Variants in MYT1L observed in about 807,000 individuals in gnomAD.
MYT1L encodes myelin transcription factor 1-like protein.
In MYT1L, 12 loss-of-function variants were observed where a neutral mutation model predicts 126.7. That is an observed-to-expected ratio of 0.09 (90% CI 0.06 to 0.15). MYT1L has a LOEUF of 0.15. Ranked by LOEUF, MYT1L falls within the 10% of genes least tolerant of loss-of-function variation. The pLI, the probability that MYT1L is intolerant of heterozygous loss-of-function variation, is 1.00. For synonymous variants in MYT1L, 541 were observed against 604.2 expected (o/e 0.90, Z 1.53); for missense variants, 979 against 1,585.2 (o/e 0.62, Z 6.49).
intron 3 of MYT1L, among the ~76,000 whole-genome samples, chr2:2,155,740 A>G (rs565011570): frequency 6.6e-6 from 1 of 152,320 alleles, no homozygotes; most frequent in Admixed American, 6.5e-5. Context: ...GGGATGCTGG[A>G]CGTCCTCATG....
At chr2:2,263,746 G>A (rs889058338) in intron 2 of MYT1L, among the ~76,000 whole-genome samples, 11 of 152,068 alleles carry the variant, frequency 7.2e-5, no homozygotes, top group African/African-American at 2.7e-4. Flanking sequence ...ATCCTCAGAC[G>A]CTCCTGGCAT....
chr2:1,792,515 G>A lies in MYT1L; in HGVS notation c.3277-51C>T, dbSNP rs1263178982. On this transcript the variant is annotated intron_variant, in intron 23 of 24. Transcript: ENST00000647738. ...TGTAACACCAGGAGGACCTAGGAGC[G>A]CGTGGTCGTTGCCGGGGGCCACAGT... 27 of 1,571,482 alleles carry A rather than the reference G, an allele frequency of 1.7e-5. No individual in the cohort carries two copies. In the East Asian group the frequency reaches 3.0e-4, roughly 17 times the overall value.
intron 2 of MYT1L, among the ~76,000 whole-genome samples, chr2:2,197,985 A>C (rs926061942): frequency 3.1e-5 from 4 of 130,174 alleles, no homozygotes; most frequent in African/African-American, 7.9e-5. Flanking sequence ...AATAACATAC[A>C]TATATATACA....
At chr2:1,907,897 GC>G (rs2051309385) in intron 13 of MYT1L, among the ~76,000 whole-genome samples, 1 of 152,266 alleles carries the variant, frequency 6.6e-6, no homozygotes, top group Non-Finnish European at 1.5e-5. Context: ...GAGGCGGAAA[GC>G]CCGCAGGAGT....
intron 8 of MYT1L, among the ~76,000 whole-genome samples, chr2:1,967,959 G>A (rs542267289): frequency 1.3e-5 from 2 of 152,288 alleles, no homozygotes; most frequent in South Asian, 4.1e-4. Flanking sequence ...TCGGGCCCCT[G>A]CACTGCTCCC....
intron 3 of MYT1L, among the ~76,000 whole-genome samples, chr2:2,121,035 T>C (rs1009283567): frequency 6.6e-6 from 1 of 152,158 alleles, no homozygotes; most frequent in East Asian, 1.9e-4. Context: ...CCACAGACCC[T>C]TGCTCGGCGG....
intron 2 of MYT1L, among the ~76,000 whole-genome samples, chr2:2,240,380 T>C (rs2094414814): frequency 6.6e-6 from 1 of 151,904 alleles, no homozygotes; most frequent in Non-Finnish European, 1.5e-5. Context: ...AAAAGTATGG[T>C]AACACAGACT....
intron 3 of MYT1L, among the ~76,000 whole-genome samples, chr2:2,166,695 T>G (rs1177865965): frequency 6.6e-6 from 1 of 152,146 alleles, no homozygotes; most frequent in African/African-American, 2.4e-5. Flanking sequence ...TGAGATACAT[T>G]TACATCATTC....
intron 9 of MYT1L, among the ~76,000 whole-genome samples, chr2:1,935,871 T>A (rs1220638762): frequency 6.6e-6 from 1 of 152,270 alleles, no homozygotes; most frequent in Non-Finnish European, 1.5e-5. Flanking sequence ...TCTGTTTTCA[T>A]TATCATGCTA....
intron 8 of MYT1L, among the ~76,000 whole-genome samples, chr2:1,978,489 C>T (rs1324290955): frequency 6.6e-6 from 1 of 152,206 alleles, no homozygotes; most frequent in African/African-American, 2.4e-5. Flanking sequence ...CAGTCAGCCA[C>T]GGGCATGTAA....
At chr2:1,951,612 G>A (rs965826359) in intron 8 of MYT1L, among the ~76,000 whole-genome samples, 2 of 152,148 alleles carry the variant, frequency 1.3e-5, no homozygotes, top group African/African-American at 2.4e-5. Flanking sequence ...TCACCAAGTC[G>A]CTCCAGGATC....
At chr2:2,096,735 C>G (rs2077501900) in intron 3 of MYT1L, among the ~76,000 whole-genome samples, 1 of 152,174 alleles carries the variant, frequency 6.6e-6, no homozygotes, top group Non-Finnish European at 1.5e-5. Flanking sequence ...CCCAGCTCAC[C>G]TTCCTGAGGA....
intron 3 of MYT1L, among the ~76,000 whole-genome samples, chr2:2,056,480 A>ATTT (rs1204551848): frequency 1.3e-5 from 2 of 152,248 alleles, no homozygotes; most frequent in African/African-American, 4.8e-5. Flanking sequence ...TGCTTACTAA[A>ATTT]TGTGTGTGCA....
In MYT1L at chr2:1,945,665, A is replaced by AAT. The variant is rs762389798; in HGVS notation, c.153-2333_153-2332dup. ...GGCTGCATTAAGGATGAAATGAAAA[A>AAT]ATATATATATATGTAAAGAGGTTAG... On this transcript the variant is annotated intron_variant, in intron 8 of 24. Coordinates refer to ENST00000647738, the MANE Select transcript of MYT1L (RefSeq NM_001303052.2). Among the ~76,000 whole-genome samples, 8 of 152,150 alleles carry AAT rather than the reference A, an allele frequency of 5.3e-5. No individual in the cohort carries two copies. The South Asian group carries it at 6.2e-4, about 12-fold the overall frequency.
intron 2 of MYT1L, among the ~76,000 whole-genome samples, chr2:2,180,933 T>C (rs111162161): frequency 0.085 from 12,438 of 146,070 alleles, 730 homozygotes; most frequent in East Asian, 0.1. Flanking sequence ...CACCTGTATC[T>C]GTACCTGCAT....
intron 2 of MYT1L, among the ~76,000 whole-genome samples, chr2:2,262,939 G>GACATATATATATATATATATAT (rs1466512652): frequency 1.9e-5 from 1 of 51,962 alleles, no homozygotes; most frequent in African/African-American, 8.5e-5. Flanking sequence ...TATAACCTGT[G>GACATATATATATATATATATAT]ATATATATAT....
At chr2:1,880,153 A>G (rs2047351728) in intron 18 of MYT1L, among the ~76,000 whole-genome samples, 1 of 152,212 alleles carries the variant, frequency 6.6e-6, no homozygotes, top group South Asian at 2.1e-4. Flanking sequence ...AGATGGCTTA[A>G]GGCAAACAGA....
chr2:1,894,880 G>C (rs2049383989), intron 14 of MYT1L, among the ~76,000 whole-genome samples: 3 of 152,192 alleles, frequency 2.0e-5, no homozygotes, highest in African/African-American at 7.2e-5. Context: ...TCCTCCAACA[G>C]GATTGCATCT....
intron 5 of MYT1L, among the ~76,000 whole-genome samples, chr2:1,983,120 C>A (rs2060731425): frequency 6.6e-6 from 1 of 152,122 alleles, no homozygotes; most frequent in African/African-American, 2.4e-5. Flanking sequence ...CTAAAATATT[C>A]CTCTTGCTGA....
Sources: gnomAD v4.1 joint callset for allele counts (sites outside exome capture counted in the v4.1 genomes callset) on GRCh38, gnomAD v4.1.1 for gene constraint, MANE v1.5 for transcripts, NCBI Gene and HGNC (gene_info 2026-07-23, HGNC 2026-07-21) for gene names.